The following MAP2K6 variants were observed in gnomAD, a reference collection of about 807,000 sequenced individuals.
MAP2K6 encodes mitogen-activated protein kinase kinase 6, also known as dual specificity mitogen-activated protein kinase kinase 6.
A neutral mutation model predicts 53.7 loss-of-function variants in MAP2K6; 16 were observed. The ratio of observed to expected loss-of-function variants is 0.30; its 90% confidence interval spans 0.20 to 0.45. MAP2K6 has a LOEUF of 0.45. MAP2K6 is among the 20% of genes least tolerant of loss of function. The pLI, the probability that MAP2K6 is intolerant of heterozygous loss-of-function variation, is 1.00. For synonymous variants in MAP2K6, 132 were observed against 143.1 expected, an observed-to-expected ratio of 0.92 and a Z score of 0.55; for missense variants, 204 against 411.9, an observed-to-expected ratio of 0.50 and a Z score of 4.37.
At chr17:69,422,185 G>A (rs1408219686) in intron 1 of MAP2K6, among the ~76,000 whole-genome samples, 1 of 134,588 alleles carries the variant, frequency 7.4e-6, no homozygotes, top group East Asian at 2.1e-4. Context: ...AGACTGGAGT[G>A]CAGTGGTGCA....
chr17:69,448,178 TA>T (rs1907038313), intron 1 of MAP2K6, among the ~76,000 whole-genome samples: 1 of 152,146 alleles, frequency 6.6e-6, no homozygotes, highest in Non-Finnish European at 1.5e-5. Flanking sequence ...CAGGACCCCT[TA>T]CCCCACTAGC....
At chr17:69,505,705 C>T (rs1567844353) in intron 1 of MAP2K6, 75 bp from the exon 2 acceptor site, 3 of 1,215,316 alleles carry the variant, frequency 2.5e-6, no homozygotes, top group South Asian at 2.4e-5. Context: ...CAGCTCTTTC[C>T]TTTGCCGCAG....
intron 1 of MAP2K6, among the ~76,000 whole-genome samples, chr17:69,483,837 CA>C (rs1908431243): frequency 6.6e-6 from 1 of 152,000 alleles, no homozygotes; most frequent in Non-Finnish European, 1.5e-5. Context: ...CAAGACAATT[CA>C]GGGGGAAAGG....
rs530859066 is a variant in MAP2K6 at position 69,513,317 on chromosome 17, C to T, written c.84-3538C>T. Among the ~76,000 whole-genome samples, 4 of 152,322 alleles carry T rather than the reference C, an allele frequency of 2.6e-5. No individual in the cohort carries two copies. In the South Asian group the frequency reaches 6.2e-4, roughly 24 times the overall value. Reference sequence around the variant, plus strand: ...TCTGCCTCGATGGGAATCGCAAGAGCAGGTAAAAAGCTCTTAGCCCAGTTT... The same window carrying T: ...TCTGCCTCGATGGGAATCGCAAGAGTAGGTAAAAAGCTCTTAGCCCAGTTT... On this transcript the variant is annotated intron_variant, in intron 2 of 11. Coordinates refer to ENST00000590474, the MANE Select transcript of MAP2K6 (RefSeq NM_002758.4).
chr17:69,536,917 C>A (rs777602984), intron 11 of MAP2K6, among the ~76,000 whole-genome samples: 2 of 150,830 alleles, frequency 1.3e-5, no homozygotes, highest in Admixed American at 1.3e-4. Context: ...CCCACCTCTA[C>A]AAAAAGTACA....
At chr17:69,540,024 A>G (rs1021706396) in intron 11 of MAP2K6, among the ~76,000 whole-genome samples, 5 of 152,130 alleles carry the variant, frequency 3.3e-5, no homozygotes, top group African/African-American at 1.2e-4. Flanking sequence ...GCAAAGGGAG[A>G]AAATCTCTTT....
chr17:69,415,338 A>G (rs1373749676), intron 1 of MAP2K6, among the ~76,000 whole-genome samples: 2 of 152,218 alleles, frequency 1.3e-5, no homozygotes, highest in African/African-American at 4.8e-5. Flanking sequence ...CTATGCACAG[A>G]TATTGTAAGT....
At chr17:69,515,312 A>G (rs1311511455) in intron 2 of MAP2K6, among the ~76,000 whole-genome samples, 1 of 151,858 alleles carries the variant, frequency 6.6e-6, no homozygotes, top group Admixed American at 6.6e-5. Flanking sequence ...ATGCGCCACA[A>G]TGCCCGGCTA....
intron 2 of MAP2K6, among the ~76,000 whole-genome samples, chr17:69,508,207 A>G: frequency 6.6e-6 from 1 of 150,474 alleles, no homozygotes; most frequent in African/African-American, 2.4e-5. Flanking sequence ...GCCTGCCACC[A>G]TGCCCAGCTG....
In MAP2K6 at chr17:69,418,274, G is replaced by A. The variant is rs139324629; in HGVS notation, c.16+3274G>A. Reference sequence around the variant, plus strand: ...AGCATGCGGCCTGTTAACTGTAGGGGGCTTCAGGGGTCTCTGGTTGGTAAA... The same window carrying A: ...AGCATGCGGCCTGTTAACTGTAGGGAGCTTCAGGGGTCTCTGGTTGGTAAA... On this transcript the variant is annotated intron_variant, in intron 1 of 11. Transcript: ENST00000590474. Among the ~76,000 whole-genome samples the A allele has an allele frequency of 5.4e-3, 820 of 152,098 alleles. 4 individuals are homozygous for A. Among genetic ancestry groups the A allele is most frequent in the African/African-American group, 0.018 (761 of 41,418 alleles).
intron 1 of MAP2K6, among the ~76,000 whole-genome samples, chr17:69,489,189 C>T (rs1170208051): frequency 5.6e-5 from 8 of 142,744 alleles, no homozygotes; most frequent in South Asian, 2.2e-4. Flanking sequence ...CATTGCACTC[C>T]GGCCTGGGCA....
intron 1 of MAP2K6, among the ~76,000 whole-genome samples, chr17:69,420,295 G>A (rs984746753): frequency 5.9e-5 from 9 of 152,156 alleles, no homozygotes; most frequent in African/African-American, 2.2e-4. Flanking sequence ...GCACCTGGTT[G>A]TGTTATATGC....
chr17:69,454,494 C>T (rs1907334520), intron 1 of MAP2K6, among the ~76,000 whole-genome samples: 1 of 152,158 alleles, frequency 6.6e-6, no homozygotes, highest in African/African-American at 2.4e-5. Context: ...AAGTGATGCT[C>T]CTGCCTCAGC....
At chr17:69,514,585 G>C (rs1359119229) in intron 2 of MAP2K6, among the ~76,000 whole-genome samples, 1 of 151,976 alleles carries the variant, frequency 6.6e-6, no homozygotes, top group African/African-American at 2.4e-5. Context: ...TTTTGAGACT[G>C]AGTCTCGCTC....
chr17:69,532,577 A>AG (rs1173458238), intron 10 of MAP2K6, among the ~76,000 whole-genome samples: 1 of 152,264 alleles, frequency 6.6e-6, no homozygotes, highest in Non-Finnish European at 1.5e-5. Context: ...CTGAATTTCA[A>AG]GTACTTCCTA....
intron 1 of MAP2K6, among the ~76,000 whole-genome samples, chr17:69,454,094 T>C (rs1907320160): frequency 6.6e-6 from 1 of 152,208 alleles, no homozygotes; most frequent in Non-Finnish European, 1.5e-5. Context: ...ACGTATTTCC[T>C]AGTGACACGG....
intron 1 of MAP2K6, among the ~76,000 whole-genome samples, chr17:69,419,831 T>C (rs1489157981): frequency 6.6e-6 from 1 of 151,722 alleles, no homozygotes; most frequent in Admixed American, 6.6e-5. Flanking sequence ...GGAGAATCGC[T>C]TGAACCTGGG....
intron 1 of MAP2K6, among the ~76,000 whole-genome samples, chr17:69,419,391 C>T (rs1598251502): frequency 1.3e-5 from 2 of 152,232 alleles, no homozygotes; most frequent in East Asian, 1.9e-4. Flanking sequence ...AATATTTAGA[C>T]GTGCCCATTC....
chr17:69,532,941 T>C (rs75508647), intron 10 of MAP2K6, among the ~76,000 whole-genome samples: 1 of 152,136 alleles, frequency 6.6e-6, no homozygotes, highest in Non-Finnish European at 1.5e-5. Flanking sequence ...ATTTTTTTTT[T>C]CTTTTTTGAT....
Sources: allele counts gnomAD v4.1 joint callset (sites outside exome capture counted in the v4.1 genomes callset), GRCh38; gene constraint gnomAD v4.1.1; transcripts MANE v1.5; gene names NCBI Gene and HGNC (gene_info 2026-07-23, HGNC 2026-07-21).